The following BICRAL variants were observed in gnomAD, a reference collection of about 807,000 sequenced individuals.
BICRAL encodes the protein BICRA like chromatin remodeling complex associated protein, also known as BRD4-interacting chromatin-remodeling complex-associated protein-like.
In BICRAL, 8 loss-of-function variants were observed where a neutral mutation model predicts 91.8. The ratio of observed to expected loss-of-function variants is 0.09; its 90% CI spans 0.05 to 0.16. The LOEUF (loss-of-function observed/expected upper bound fraction) is 0.16. BICRAL is among the 10% of genes least tolerant of loss of function. BICRAL has a pLI of 1.00. For missense variants in BICRAL, 1,038 were observed against 1,310.9 expected (o/e 0.79, Z 3.21); for synonymous variants, 445 against 491.1 (o/e 0.91, Z 1.24).
chr6:42,819,743 G>T (rs1244986976), intron 2 of BICRAL, among the ~76,000 whole-genome samples: 1 of 152,140 alleles, frequency 6.6e-6, no homozygotes, highest in Non-Finnish European at 1.5e-5. Context: ...AGGGCTAAGG[G>T]TCATCTCTTT....
At position 42,853,725 on chromosome 6, in the gene BICRAL, A is replaced by T; in HGVS notation, c.2033A>T (p.His678Leu). The T allele has an allele frequency of 6.2e-7, 1 of 1,610,126 alleles. No individual in the cohort carries two copies. Among genetic ancestry groups the T allele is most frequent in the Non-Finnish European group, 8.5e-7 (1 of 1,176,254 alleles). ...AAAGTAGTTGGATCATCTCCTGGCC[A>T]TCCAGCTGTGCAGGTAGAAAACTAT... ...QEKVVGSSPG[H>L]PAVQVESHSG... Residue 678 changes from histidine (H) to leucine (L), a missense_variant, in exon 8 of 13, where the codon CAT becomes CTT. Physicochemically the swap from His to Leu is moderately conservative, Grantham distance 99. Around this residue, in one of 5 missense-constraint regions of BICRAL, gnomAD observed 532 missense variants for 724.9 expected, o/e 0.73. Coordinates refer to ENST00000314073, the MANE Select transcript of BICRAL (RefSeq NM_001393499.1).
chr6:42,863,566 G>T (rs982817484), intron 12 of BICRAL, among the ~76,000 whole-genome samples: 1 of 152,198 alleles, frequency 6.6e-6, no homozygotes, highest in Non-Finnish European at 1.5e-5. Flanking sequence ...TCTTCACCCG[G>T]AAAGTATGTA....
At chr6:42,797,548 C>G (rs976013833) in intron 1 of BICRAL, among the ~76,000 whole-genome samples, 1 of 152,124 alleles carries the variant, frequency 6.6e-6, no homozygotes, top group African/African-American at 2.4e-5. Context: ...GAGTGTGCCT[C>G]AGTTTCTTCC....
chr6:42,842,879 A>T (rs1216804553), intron 6 of BICRAL, among the ~76,000 whole-genome samples: 1 of 140,488 alleles, frequency 7.1e-6, no homozygotes, highest in East Asian at 2.1e-4. Flanking sequence ...TTTTAGATGG[A>T]GTCTTGCTCT....
chr6:42,863,165 C>A (rs989951001), intron 12 of BICRAL, among the ~76,000 whole-genome samples: 1 of 151,718 alleles, frequency 6.6e-6, no homozygotes, highest in Non-Finnish European at 1.5e-5. Context: ...TCTCCTGCCT[C>A]AGCCTCCCAA....
chr6:42,756,636 CT>C (rs531144763), intron 1 of BICRAL, among the ~76,000 whole-genome samples: 1,728 of 147,884 alleles, frequency 0.012, 97 homozygotes, highest in Admixed American at 0.1. Context: ...CCCCAGAGAT[CT>C]TTTTTTTTTT....
intron 1 of BICRAL, among the ~76,000 whole-genome samples, chr6:42,797,940 CA>C: frequency 6.6e-6 from 1 of 152,256 alleles, no homozygotes; most frequent in South Asian, 2.1e-4. Context: ...TGCATCACTG[CA>C]CTCCAGCCTT....
chr6:42,796,036 G>A (rs1320920523), intron 1 of BICRAL, among the ~76,000 whole-genome samples: 4 of 152,184 alleles, frequency 2.6e-5, no homozygotes, highest in Non-Finnish European at 5.9e-5. Flanking sequence ...GACTGAGGTG[G>A]TGTGAGAGCA....
chr6:42,832,084 A>T (rs1334194516), intron 6 of BICRAL, among the ~76,000 whole-genome samples: 3 of 151,138 alleles, frequency 2.0e-5, no homozygotes, highest in Non-Finnish European at 4.4e-5. Flanking sequence ...GCTGTGGTTC[A>T]TGCCTGTAAT....
chr6:42,809,115 C>A (rs1482089349), intron 1 of BICRAL, among the ~76,000 whole-genome samples: 28 of 145,758 alleles, frequency 1.9e-4, no homozygotes, highest in Middle Eastern at 3.4e-3. Context: ...CCCCCCCCAA[C>A]AGGCCCCGGT....
Position 42,833,283 on chromosome 6 carries a change from C to T in BICRAL, c.1839+3111C>T, listed in dbSNP as rs144463852. 6.6e-3 allele frequency among the ~76,000 whole-genome samples: 1,003 copies of T among 152,042 alleles called. 18 individuals are homozygous for T. The highest frequency in any genetic ancestry group is 0.023 in the African/African-American group (956 of 41,456). ...TGTTAGCCAGGTGACCTCCTGACCT[C>T]GTGATCCACCTGCTTCAGCCTCCCA... is the stretch of plus-strand genomic sequence containing the variant. On this transcript the variant is annotated intron_variant, in intron 6 of 12. Transcript: ENST00000314073.
chr6:42,792,213 T>G (rs1763294147), intron 1 of BICRAL, among the ~76,000 whole-genome samples: 1 of 152,148 alleles, frequency 6.6e-6, no homozygotes, highest in Non-Finnish European at 1.5e-5. Flanking sequence ...ATTAAGCTTA[T>G]AAAATATTTT....
Position 42,864,718 on chromosome 6 carries a change from C to G in BICRAL, c.2512C>G (p.Gln838Glu), listed in dbSNP as rs768548209. Residue 838 changes from glutamine to glutamate, a missense_variant, in exon 13 of 13, where the codon CAG becomes GAG. By Grantham distance (29) the Gln-to-Glu change is conservative (BLOSUM62 2). Transcript: ENST00000314073. ...ACTTGATAAAGCTGCTCATGAGACA[C>G]AGTTTGGCCGGAGTGACCAGCATGG... The part of the protein sequence containing the change: ...FKLDKAAHET[Q>E]FGRSDQHGSK... 7 of 1,614,128 alleles carry G rather than the reference C, an allele frequency of 4.3e-6. No individual in the cohort carries two copies. The South Asian group carries it at 7.7e-5, about 18-fold the overall frequency.
chr6:42,824,088 T>G lies in BICRAL; in HGVS notation c.159+1085T>G, dbSNP rs1764219216. Among the ~76,000 whole-genome samples, 4 of 148,962 alleles carry G rather than the reference T, an allele frequency of 2.7e-5. No homozygotes were observed. The South Asian group carries it at 8.5e-4, about 32-fold the overall frequency. ...CCGTCTCTACTAAAAACACAGAAATTGGTGTGGTGGCGCGTGCCTGTAATC... is the reference window on the plus strand; with the variant it reads ...CCGTCTCTACTAAAAACACAGAAATGGGTGTGGTGGCGCGTGCCTGTAATC... On this transcript the variant is annotated intron_variant, in intron 5 of 12. Coordinates refer to ENST00000314073, the MANE Select transcript of BICRAL (RefSeq NM_001393499.1).
At chr6:42,854,860 A>T (rs1460165075) in intron 8 of BICRAL, among the ~76,000 whole-genome samples, 2 of 152,016 alleles carry the variant, frequency 1.3e-5, no homozygotes, top group African/African-American at 2.4e-5. Flanking sequence ...TACATGATAG[A>T]TGTACATATT....
At chr6:42,755,110 G>C (rs1219584350) in intron 1 of BICRAL, among the ~76,000 whole-genome samples, 1 of 152,160 alleles carries the variant, frequency 6.6e-6, no homozygotes, top group Non-Finnish European at 1.5e-5. Flanking sequence ...TGGAGGTAGG[G>C]GGTCTGGAAA....
intron 1 of BICRAL, among the ~76,000 whole-genome samples, chr6:42,782,497 C>G (rs1162159532): frequency 7.4e-6 from 1 of 135,662 alleles, no homozygotes; most frequent in Non-Finnish European, 1.6e-5. Flanking sequence ...CGCAGGCGGG[C>G]AGGGGGCGGC....
chr6:42,756,636 C>CT (rs531144763), intron 1 of BICRAL, among the ~76,000 whole-genome samples: 56 of 147,864 alleles, frequency 3.8e-4, no homozygotes, highest in East Asian at 1.6e-3. Context: ...CCCCAGAGAT[C>CT]TTTTTTTTTT....
At chr6:42,864,211 G>T in intron 12 of BICRAL, among the ~76,000 whole-genome samples, 1 of 151,314 alleles carries the variant, frequency 6.6e-6, no homozygotes, top group East Asian at 1.9e-4. Flanking sequence ...ATGGTGGCGG[G>T]CGCCTGTAAT....
Sources: gnomAD v4.1 joint callset for allele counts (sites outside exome capture counted in the v4.1 genomes callset) on GRCh38, gnomAD v4.1.1 for gene constraint, gnomAD v4.1.1 regional missense constraint, MANE v1.5 for transcripts, NCBI Gene and HGNC (gene_info 2026-07-23, HGNC 2026-07-21) for gene names.